ERGIC1: variants seen among roughly 807,000 people sequenced by gnomAD.
The protein encoded by ERGIC1 is endoplasmic reticulum-Golgi intermediate compartment protein 1.
A neutral mutation model predicts 38.3 loss-of-function variants in ERGIC1; 19 were observed. The ratio of observed to expected loss-of-function variants is 0.50; its 90% CI spans 0.35 to 0.73. The LOEUF is 0.73. Ranked by LOEUF, ERGIC1 falls within the 30% of genes least tolerant of loss-of-function variation. ERGIC1 has a pLI of 0.01. For synonymous variants in ERGIC1, 124 were observed against 157.6 expected (o/e 0.79, Z 1.60); for missense variants, 294 against 389.2 (o/e 0.76, Z 2.06).
At chr5:172,893,935 G>GTATATATA (rs1554110408) in intron 2 of ERGIC1, among the ~76,000 whole-genome samples, 17 of 42,810 alleles carry the variant, frequency 4.0e-4, no homozygotes, top group East Asian at 9.9e-4. Flanking sequence ...GTGTGTGTGT[G>GTATATATA]TATATATATA....
chr5:172,875,547 G>T (rs1268631881), intron 1 of ERGIC1, among the ~76,000 whole-genome samples: 1 of 152,126 alleles, frequency 6.6e-6, no homozygotes, highest in East Asian at 1.9e-4. Flanking sequence ...GAAAGTGAAA[G>T]TAAGTGGTTA....
Position 172,926,435 on chromosome 5 carries a change from A to C in ERGIC1, c.481-74A>C. 1.3e-6 allele frequency: 2 copies of C among 1,558,918 alleles called. No individual in the cohort carries two copies. The highest frequency in any genetic ancestry group is 1.8e-6 in the Non-Finnish European group (2 of 1,131,204). ...TTCCTAGACCAGGTGGTACCTGGCC[A>C]TCCCCCACAACCAGGGCCAGGCCTG... is the stretch of plus-strand genomic sequence containing the variant. On this transcript the variant is annotated intron_variant, in intron 6 of 9. Coordinates refer to ENST00000393784, the MANE Select transcript of ERGIC1 (RefSeq NM_001031711.3). This position sits in a 1 kb window ranked among gnomAD's most constrained non-coding sequence, Gnocchi z 5.2.
chr5:172,915,334 C>T, intron 5 of ERGIC1: 1 of 482,318 alleles, frequency 2.1e-6, no homozygotes, highest in Non-Finnish European at 4.0e-6. Context: ...GGCTCTGGGG[C>T]AGCGTTCCTG....
chr5:172,861,080 T>C (rs1169709093), intron 1 of ERGIC1, among the ~76,000 whole-genome samples: 3 of 151,914 alleles, frequency 2.0e-5, no homozygotes, highest in Admixed American at 2.0e-4. Flanking sequence ...GCAGGGCCTG[T>C]GGGATGTGTC....
At chr5:172,845,197 G>A (rs946253670) in intron 1 of ERGIC1, among the ~76,000 whole-genome samples, 1 of 152,160 alleles carries the variant, frequency 6.6e-6, no homozygotes, top group Non-Finnish European at 1.5e-5. Context: ...CCCCTCCGTG[G>A]ATACCCTCCA....
intron 7 of ERGIC1, among the ~76,000 whole-genome samples, chr5:172,931,966 C>T (rs1390654659): frequency 6.6e-6 from 1 of 151,064 alleles, no homozygotes; most frequent in Non-Finnish European, 1.5e-5. Flanking sequence ...TCAAGCGATT[C>T]TCCTGCCTCA....
At chr5:172,908,889 G>A (rs976813985) in intron 3 of ERGIC1, among the ~76,000 whole-genome samples, 19 of 152,212 alleles carry the variant, frequency 1.2e-4, no homozygotes, top group African/African-American at 4.6e-4. Context: ...TGGCTTCCCG[G>A]CTGGGGGAAG....
At chr5:172,907,176 A>G (rs796580345) in intron 3 of ERGIC1, among the ~76,000 whole-genome samples, 21 of 152,264 alleles carry the variant, frequency 1.4e-4, no homozygotes, top group African/African-American at 4.6e-4. Context: ...CCTCTTGCAC[A>G]GCAGCCCCTC....
intron 1 of ERGIC1, among the ~76,000 whole-genome samples, chr5:172,873,009 G>A (rs1310882997): frequency 2.0e-5 from 3 of 152,134 alleles, no homozygotes; most frequent in Non-Finnish European, 4.4e-5. Context: ...GACACCAACA[G>A]TTTATTCTTT....
chr5:172,880,120 T>C (rs1339740208), intron 1 of ERGIC1, among the ~76,000 whole-genome samples: 6 of 151,906 alleles, frequency 3.9e-5, no homozygotes, highest in Non-Finnish European at 5.9e-5. Flanking sequence ...CACTGCAACC[T>C]CCACCTCCCA....
chr5:172,914,985 G>A (rs746455738), intron 5 of ERGIC1, 147 bp downstream of exon 5: 40 of 1,305,302 alleles, frequency 3.1e-5, no homozygotes, highest in South Asian at 1.5e-4. Flanking sequence ...CTGCCTGGCC[G>A]TTCCTGCTGA....
intron 9 of ERGIC1, among the ~76,000 whole-genome samples, chr5:172,942,711 A>G (rs1764038130): frequency 6.6e-6 from 1 of 152,220 alleles, no homozygotes; most frequent in African/African-American, 2.4e-5. Flanking sequence ...AGATTGCTCC[A>G]AACTGGGTCT....
chr5:172,845,652 C>A (rs1387799682), intron 1 of ERGIC1, among the ~76,000 whole-genome samples: 1 of 152,198 alleles, frequency 6.6e-6, no homozygotes, highest in African/African-American at 2.4e-5. Flanking sequence ...TCTCTTTTAA[C>A]TAAATACACT....
At chr5:172,860,141 C>A (rs1761659584) in intron 1 of ERGIC1, among the ~76,000 whole-genome samples, 1 of 93,530 alleles carries the variant, frequency 1.1e-5, no homozygotes, top group Non-Finnish European at 2.9e-5. Flanking sequence ...GGGGCAGGGA[C>A]AGAGGTGAAC....
At chr5:172,923,146 G>GGTTCCAGGATCATACTAAGGGTTCT (rs1459608569) in intron 5 of ERGIC1, among the ~76,000 whole-genome samples, 2 of 111,822 alleles carry the variant, frequency 1.8e-5, no homozygotes, top group Admixed American at 8.3e-5. Flanking sequence ...GGAGGAGGAG[G>GGTTCCAGGATCATACTAAGGGTTCT]AGGAGGGTTC....
rs747780356 is a variant in ERGIC1 at position 172,932,504 on chromosome 5, C to T, written c.610C>T (p.Arg204Trp). 3.1e-6 allele frequency: 5 copies of T among 1,614,160 alleles called. No homozygotes were observed. The South Asian group carries it at 3.3e-5, about 11-fold the overall frequency. Residue 204 changes from arginine to tryptophan, a missense_variant, in exon 8 of 10, where the codon CGG (arginine) becomes TGG (tryptophan). Transcript: ENST00000393784. ...TTATGAGGACAAGAGTGGCAAGCAGCGGTACTCCTACCAGTACACGGTGGC... is the reference window on the plus strand; with the variant it reads ...TTATGAGGACAAGAGTGGCAAGCAGTGGTACTCCTACCAGTACACGGTGGC... ...TVYEDKSGKQ[R>W]YSYQYTVANK...
In ERGIC1 at chr5:172,853,059, G is replaced by A. The variant is rs143357501; in HGVS notation, c.20+18626G>A. Among the ~76,000 whole-genome samples, 224 of 152,240 alleles carry A rather than the reference G, an allele frequency of 1.5e-3. 1 individual carries two copies. The highest frequency in any genetic ancestry group is 5.0e-3 in the African/African-American group (209 of 41,546). On this transcript the variant is annotated intron_variant, in intron 1 of 9. Coordinates refer to ENST00000393784, the MANE Select transcript of ERGIC1 (RefSeq NM_001031711.3). ...AAGTCACCCTGTTTGTCCAAGAAGC[G>A]CCTGTGTGTATGTGTAGATATGAGT...
chr5:172,843,011 GTA>G (rs1761195764), intron 1 of ERGIC1, among the ~76,000 whole-genome samples: 4 of 152,174 alleles, frequency 2.6e-5, no homozygotes, highest in African/African-American at 9.7e-5. Flanking sequence ...GGGCATGGTG[GTA>G]TGCGCCTGTA....
chr5:172,932,711 C>T, intron 8 of ERGIC1, 175 bp downstream of exon 8: 1 of 624,414 alleles, frequency 1.6e-6, no homozygotes, highest in Non-Finnish European at 2.8e-6. Context: ...AGCCCAGTCC[C>T]TGCCATGTGG....
Sources: allele counts gnomAD v4.1 joint callset (sites outside exome capture counted in the v4.1 genomes callset), GRCh38; gene constraint gnomAD v4.1.1; non-coding constraint Gnocchi (gnomAD v3.1); transcripts MANE v1.5; gene names NCBI Gene and HGNC (gene_info 2026-07-23, HGNC 2026-07-21).